Variants in PLPPR1 observed in about 807,000 individuals in gnomAD.
PLPPR1 encodes phospholipid phosphatase related 1.
A neutral mutation model predicts 33.1 loss-of-function variants in PLPPR1; 10 were observed. That is an observed-to-expected ratio of 0.30 (90% confidence interval 0.19 to 0.51). The LOEUF is 0.51. Ranked by LOEUF, PLPPR1 falls within the 20% of genes least tolerant of loss-of-function variation. The probability of loss-of-function intolerance (pLI) is 0.97; values close to 1 mark genes in which losing one functional copy is unlikely to be tolerated. For missense variants in PLPPR1, 304 were observed against 408.1 expected, an observed-to-expected ratio of 0.74 and a Z score of 2.20; for synonymous variants, 151 against 151.0, an observed-to-expected ratio of 1.00 and a Z score of 0.00.
At chr9:101,119,715 G>C (rs1831156786) in intron 1 of PLPPR1, among the ~76,000 whole-genome samples, 1 of 152,216 alleles carries the variant, frequency 6.6e-6, no homozygotes, top group Non-Finnish European at 1.5e-5. Flanking sequence ...CCAGAGGCCA[G>C]AGCTGGATGA....
At chr9:101,148,519 T>C (rs1291080095) in intron 1 of PLPPR1, among the ~76,000 whole-genome samples, 2 of 152,230 alleles carry the variant, frequency 1.3e-5, no homozygotes, top group African/African-American at 2.4e-5. Flanking sequence ...TCTCTCCAGC[T>C]GTATTCCCTA....
rs78532812 is a variant in PLPPR1, at chr9:101,203,043, C to T, written c.63+17486C>T. On this transcript the variant is annotated intron_variant, in intron 2 of 7. Transcript: ENST00000374874. ...AGAGCTATAAGAAATATCAAATAAT[C>T]CCAAGACCTCAAATCATCGATTTTT... 5.7e-4 allele frequency among the ~76,000 whole-genome samples: 87 copies of T among 152,260 alleles called. 2 individuals are homozygous for T. The highest frequency in any genetic ancestry group is 1.9e-3 in the African/African-American group (81 of 41,548).
intron 2 of PLPPR1, among the ~76,000 whole-genome samples, chr9:101,265,440 A>G (rs1310934239): frequency 2.6e-5 from 4 of 152,160 alleles, no homozygotes; most frequent in Non-Finnish European, 2.9e-5. Context: ...CTCATGTGAC[A>G]CCAACATTAT....
intron 1 of PLPPR1, among the ~76,000 whole-genome samples, chr9:101,155,479 C>T (rs375226689): frequency 8.5e-5 from 13 of 152,282 alleles, no homozygotes; most frequent in South Asian, 2.1e-4. Context: ...ACCAGGAACC[C>T]GCACCCGTGA....
chr9:101,294,840 A>T (rs1165915106), intron 4 of PLPPR1, among the ~76,000 whole-genome samples: 1 of 152,136 alleles, frequency 6.6e-6, no homozygotes, highest in South Asian at 2.1e-4. Flanking sequence ...CCCACAGCCA[A>T]TATCATACTG....
intron 1 of PLPPR1, among the ~76,000 whole-genome samples, chr9:101,098,340 AG>A (rs1466758969): frequency 2.6e-5 from 4 of 152,080 alleles, no homozygotes; most frequent in Admixed American, 6.6e-5. Flanking sequence ...GGAGGAAGGC[AG>A]GATGCACAGG....
At chr9:101,083,749 C>A (rs772807634) in intron 1 of PLPPR1, among the ~76,000 whole-genome samples, 12 of 152,108 alleles carry the variant, frequency 7.9e-5, no homozygotes, top group Admixed American at 7.9e-4. Context: ...GCATTGAATA[C>A]GAAGATTTAT....
intron 3 of PLPPR1, among the ~76,000 whole-genome samples, chr9:101,280,746 A>C (rs1828283233): frequency 6.6e-6 from 1 of 152,170 alleles, no homozygotes; most frequent in South Asian, 2.1e-4. Flanking sequence ...AACCCTCATA[A>C]AACGGAGTAT....
At chr9:101,152,617 G>C (rs564027077) in intron 1 of PLPPR1, among the ~76,000 whole-genome samples, 1 of 152,228 alleles carries the variant, frequency 6.6e-6, no homozygotes, top group East Asian at 1.9e-4. Flanking sequence ...TTCTGCATAT[G>C]GCTAGCCAGT....
intron 4 of PLPPR1, among the ~76,000 whole-genome samples, chr9:101,305,564 C>A (rs1544194): frequency 2.6e-5 from 4 of 152,196 alleles, no homozygotes; most frequent in African/African-American, 9.6e-5. Context: ...CTCACCCCAC[C>A]AACCTCTGCT....
chr9:101,278,091 G>A (rs1828230648), intron 3 of PLPPR1, among the ~76,000 whole-genome samples: 1 of 152,168 alleles, frequency 6.6e-6, no homozygotes, highest in Admixed American at 6.5e-5. Context: ...GCATATGTAT[G>A]ACCACAAAAT....
At chr9:101,192,089 A>C (rs1826305842) in intron 2 of PLPPR1, among the ~76,000 whole-genome samples, 1 of 152,206 alleles carries the variant, frequency 6.6e-6, no homozygotes, top group Non-Finnish European at 1.5e-5. Flanking sequence ...AACTTAAAGA[A>C]TTCCATATCA....
At chr9:101,206,542 C>T (rs1223305995) in intron 2 of PLPPR1, among the ~76,000 whole-genome samples, 1 of 152,102 alleles carries the variant, frequency 6.6e-6, no homozygotes, top group African/African-American at 2.4e-5. Flanking sequence ...GTTGTGGGCA[C>T]ATTGCCCAAC....
At chr9:101,248,379 A>T (rs1827652050) in intron 2 of PLPPR1, among the ~76,000 whole-genome samples, 1 of 152,096 alleles carries the variant, frequency 6.6e-6, no homozygotes, top group Admixed American at 6.6e-5. Flanking sequence ...CATTTCATTG[A>T]ATAAATTTCA....
intron 1 of PLPPR1, among the ~76,000 whole-genome samples, chr9:101,117,404 C>G (rs903244139): frequency 6.6e-6 from 1 of 152,100 alleles, no homozygotes; most frequent in Non-Finnish European, 1.5e-5. Context: ...GACATTCCCA[C>G]CAGCACTATG....
chr9:101,071,291 T>C (rs963902936), intron 1 of PLPPR1, among the ~76,000 whole-genome samples: 7 of 152,212 alleles, frequency 4.6e-5, no homozygotes, highest in Non-Finnish European at 1.0e-4. Context: ...TGGAAAGCCA[T>C]CTGTAGGCAG....
chr9:101,297,054 CAA>C (rs1828659601), intron 4 of PLPPR1, among the ~76,000 whole-genome samples: 1 of 152,006 alleles, frequency 6.6e-6, no homozygotes, highest in African/African-American at 2.4e-5. Flanking sequence ...TTATCCATAG[CAA>C]AGAGACTGAA....
At chr9:101,119,950 C>G (rs1449143415) in intron 1 of PLPPR1, among the ~76,000 whole-genome samples, 1 of 152,208 alleles carries the variant, frequency 6.6e-6, no homozygotes, top group Non-Finnish European at 1.5e-5. Context: ...TCAGTGGCTA[C>G]TCAACAGCCT....
intron 1 of PLPPR1, among the ~76,000 whole-genome samples, chr9:101,165,524 G>A (rs916650351): frequency 4.6e-5 from 7 of 152,158 alleles, no homozygotes. Context: ...ATTTACAATA[G>A]GATATTATTT....
Sources: gnomAD v4.1 joint callset for allele counts (sites outside exome capture counted in the v4.1 genomes callset) on GRCh38, gnomAD v4.1.1 for gene constraint, MANE v1.5 for transcripts, NCBI Gene and HGNC (gene_info 2026-07-23, HGNC 2026-07-21) for gene names.